Variants in CCDC39 observed in about 807,000 individuals in gnomAD.
CCDC39 encodes coiled-coil domain-containing protein 39.
In CCDC39, 113 loss-of-function variants were observed where a neutral mutation model predicts 121.0. The observed-to-expected ratio is 0.93, with a 90% confidence interval of 0.80 to 1.09. The LOEUF (loss-of-function observed/expected upper bound fraction) is 1.09. Among genes scored for constraint, CCDC39 ranks in the 50% least tolerant of loss-of-function variants. The pLI, the probability that CCDC39 is intolerant of heterozygous loss-of-function variation, is 0.00. For missense variants in CCDC39, 1,063 were observed against 1,074.7 expected, an observed-to-expected ratio of 0.99 and a Z score of 0.15; for synonymous variants, 349 against 352.2, an observed-to-expected ratio of 0.99 and a Z score of 0.10.
At chr3:180,653,858 T>G (rs972128998) in intron 7 of CCDC39, among the ~76,000 whole-genome samples, 1 of 152,334 alleles carries the variant, frequency 6.6e-6, no homozygotes, top group African/African-American at 2.4e-5. Flanking sequence ...CTGTATACTT[T>G]AAATAATCTC....
intron 7 of CCDC39, 96 bp downstream of exon 7, chr3:180,654,665 AG>A: frequency 2.8e-6 from 2 of 710,302 alleles, no homozygotes; most frequent in Non-Finnish European, 4.2e-6. Context: ...AAAAACTAGA[AG>A]TAGTTTCTTT....
At chr3:180,672,896 A>G (rs1029316260) in intron 1 of CCDC39, among the ~76,000 whole-genome samples, 6 of 152,212 alleles carry the variant, frequency 3.9e-5, no homozygotes, top group Non-Finnish European at 8.8e-5. Flanking sequence ...AAGACCAAAT[A>G]TTGGTATTAA....
chr3:180,624,653 C>G (rs963288352), intron 14 of CCDC39, among the ~76,000 whole-genome samples: 5 of 152,134 alleles, frequency 3.3e-5, no homozygotes, highest in Admixed American at 2.6e-4. Flanking sequence ...TTTAAAACTC[C>G]TTTGAGCATT....
chr3:180,673,266 A>G (rs1236885576), intron 1 of CCDC39, among the ~76,000 whole-genome samples: 2 of 152,238 alleles, frequency 1.3e-5, no homozygotes, highest in African/African-American at 4.8e-5. Flanking sequence ...TGTGCATACA[A>G]TGTTATCAAA....
chr3:180,629,271 T>G (rs1357992150), intron 14 of CCDC39, among the ~76,000 whole-genome samples: 1 of 152,230 alleles, frequency 6.6e-6, no homozygotes, highest in Non-Finnish European at 1.5e-5. Flanking sequence ...GCAAAACATA[T>G]TAATATATTT....
At position 180,614,898 on chromosome 3, in the gene CCDC39, T is replaced by A. The variant is rs1338524142; in HGVS notation, c.*23A>T. 6.5e-7 allele frequency: 1 copy of A among 1,538,548 alleles called. No individual in the cohort carries two copies. Among genetic ancestry groups the A allele is most frequent in the East Asian group, 2.4e-5 (1 of 41,170 alleles). On this transcript the variant is annotated 3_prime_UTR_variant, in exon 20 of 20. Transcript: ENST00000476379. ...ATATTTTTGTTTTTGTGTTTACAACTTTTTCAGAAGAGATTAAAATGTTTA... is the reference window on the plus strand; with the variant it reads ...ATATTTTTGTTTTTGTGTTTACAACATTTTCAGAAGAGATTAAAATGTTTA...
chr3:180,658,421 C>A (rs1217144950), intron 6 of CCDC39, among the ~76,000 whole-genome samples: 1 of 151,606 alleles, frequency 6.6e-6, no homozygotes, highest in Non-Finnish European at 1.5e-5. Flanking sequence ...CACGGTGAAA[C>A]CCCGTCTCTA....
At chr3:180,651,754 C>T (rs1004312381) in intron 8 of CCDC39, among the ~76,000 whole-genome samples, 1 of 152,016 alleles carries the variant, frequency 6.6e-6, no homozygotes, top group Non-Finnish European at 1.5e-5. Context: ...AACGTAGTAG[C>T]TGGCCAGGCG....
rs145334516 is a variant in CCDC39 at position 180,662,986 on chromosome 3, A to C, written c.210+881T>G. ...TGAGCTGCCTGGTTTGCTGGGCATC[A>C]TTAGGGAGTGAGTTTCTACACTTGA... On this transcript the variant is annotated intron_variant, in intron 2 of 19. Coordinates refer to ENST00000476379, the MANE Select transcript of CCDC39 (RefSeq NM_181426.2). Among the ~76,000 whole-genome samples, 654 of 152,326 alleles carry C rather than the reference A, an allele frequency of 4.3e-3. 9 individuals carry two copies. The highest frequency in any genetic ancestry group is 0.029 in the East Asian group (150 of 5,184).
chr3:180,656,709 G>A (rs1231154036), intron 6 of CCDC39, among the ~76,000 whole-genome samples: 1 of 147,956 alleles, frequency 6.8e-6, no homozygotes, highest in Admixed American at 6.8e-5. Flanking sequence ...AAAGTTTGCA[G>A]TAAAGAAACC....
At chr3:180,662,822 T>C (rs1326260717) in intron 2 of CCDC39, among the ~76,000 whole-genome samples, 3 of 152,200 alleles carry the variant, frequency 2.0e-5, no homozygotes, top group Non-Finnish European at 2.9e-5. Context: ...GAAATACTTA[T>C]CTATATTGAT....
At chr3:180,635,763 T>C (rs1717811262) in intron 13 of CCDC39, among the ~76,000 whole-genome samples, 1 of 152,152 alleles carries the variant, frequency 6.6e-6, no homozygotes, top group Non-Finnish European at 1.5e-5. Flanking sequence ...TACCTGCGGC[T>C]TTTCAAGGTG....
At chr3:180,644,546 T>C (rs1718029093) in intron 11 of CCDC39, among the ~76,000 whole-genome samples, 1 of 152,154 alleles carries the variant, frequency 6.6e-6, no homozygotes. Flanking sequence ...CAGTCATCCC[T>C]CAGTATTGTC....
At chr3:180,632,951 C>A (rs1451454968) in intron 13 of CCDC39, among the ~76,000 whole-genome samples, 1 of 152,150 alleles carries the variant, frequency 6.6e-6, no homozygotes, top group Non-Finnish European at 1.5e-5. Context: ...CAGTTCCTAG[C>A]ATGTATGTTG....
chr3:180,677,213 TA>T (rs1712259778), intron 1 of CCDC39, among the ~76,000 whole-genome samples: 3 of 111,466 alleles, frequency 2.7e-5, no homozygotes, highest in African/African-American at 9.8e-5. Context: ...TATATATATA[TA>T]TAAAATCACA....
At chr3:180,663,284 C>T (rs1425885429) in intron 2 of CCDC39, among the ~76,000 whole-genome samples, 1 of 152,084 alleles carries the variant, frequency 6.6e-6, no homozygotes, top group African/African-American at 2.4e-5. Flanking sequence ...TATATTAGTT[C>T]TGTTTCTGCT....
Position 180,631,522 on chromosome 3 carries a change from TAAC to T in CCDC39, c.1942_1944del (p.Val648del), listed in dbSNP as rs770552872. 5 of 1,608,714 alleles carry T rather than the reference TAAC, an allele frequency of 3.1e-6. No individual in the cohort carries two copies. The highest frequency in any genetic ancestry group is 1.7e-5 in the Admixed American group (1 of 59,974). On this transcript the variant is annotated inframe_deletion, in exon 14 of 20. Transcript: ENST00000476379. Reference sequence around the variant, plus strand: ...TCCTCTTCTCCTTCAGGAGGCAGCATAACAACAGTCAGAATTTCATATCTATTC... The same window carrying T: ...TCCTCTTCTCCTTCAGGAGGCAGCATAACAGTCAGAATTTCATATCTATTC...
chr3:180,652,260 A>G lies in CCDC39; in HGVS notation c.937T>C (p.Ser313Pro). Residue 313 changes from serine to proline, a missense_variant, in exon 8 of 20, where the codon TCT becomes CCT. By Grantham distance (74) the Ser-to-Pro change is moderately conservative (BLOSUM62 -1). Coordinates refer to ENST00000476379, the MANE Select transcript of CCDC39 (RefSeq NM_181426.2). ...SRIQLKGELDSLKATVNRTSS... is the reference protein window; with the variant it reads ...SRIQLKGELDPLKATVNRTSS... The stretch of plus-strand genomic sequence containing the variant: ...GTTCTATTCACAGTGGCTTTTAAAG[A>G]ATCCAGCTATTTATTAGTTAACAGA... 6.6e-7 allele frequency: 1 copy of G among 1,503,872 alleles called. No individual in the cohort carries two copies. The allele number at this position is 1,503,872 out of a possible 1,614,324, so 93.2% of individuals were successfully genotyped here.
At chr3:180,644,073 T>C in intron 12 of CCDC39, 47 bp downstream of exon 12, 14 of 1,405,710 alleles carry the variant, frequency 1.0e-5, no homozygotes, top group Non-Finnish European at 1.3e-5. Flanking sequence ...ACAATTAACA[T>C]GGAAACATGG....
Sources: allele counts gnomAD v4.1 joint callset (sites outside exome capture counted in the v4.1 genomes callset), GRCh38; gene constraint gnomAD v4.1.1; transcripts MANE v1.5; gene names NCBI Gene and HGNC (gene_info 2026-07-23, HGNC 2026-07-21).